The following FKBP5 variants were observed in gnomAD, a reference collection of about 807,000 sequenced individuals.
FKBP5 encodes the protein peptidyl-prolyl cis-trans isomerase FKBP5.
FKBP5 carries 23 observed loss-of-function variants against 50.5 expected under a neutral mutation model. That is an observed-to-expected ratio of 0.46 (90% CI 0.33 to 0.65). The LOEUF (loss-of-function observed/expected upper bound fraction) is 0.65, where lower values mean the gene tolerates loss of function less well. Ranked by LOEUF, FKBP5 falls within the 30% of genes least tolerant of loss-of-function variation. The pLI, the probability that FKBP5 is intolerant of heterozygous loss-of-function variation, is 0.02. For synonymous variants in FKBP5, 176 were observed against 190.6 expected, an observed-to-expected ratio of 0.92 and a Z score of 0.63; for missense variants, 411 against 553.1, an observed-to-expected ratio of 0.74 and a Z score of 2.58.
intron 8 of FKBP5, chr6:35,584,523 G>C (rs1308616381): frequency 1.0e-6 from 1 of 985,486 alleles, no homozygotes; most frequent in Middle Eastern, 5.2e-4. Flanking sequence ...GGCCCGGGAG[G>C]GCAGTATGGC....
At chr6:35,663,299 G>A (rs759431724) in intron 1 of FKBP5, among the ~76,000 whole-genome samples, 12 of 152,154 alleles carry the variant, frequency 7.9e-5, no homozygotes, top group African/African-American at 2.9e-4. Flanking sequence ...TAAAGTGAAG[G>A]GTACATGTGG....
chr6:35,618,559 A>G (rs1403135296), intron 5 of FKBP5, among the ~76,000 whole-genome samples: 3 of 152,032 alleles, frequency 2.0e-5, no homozygotes, highest in African/African-American at 7.2e-5. Context: ...GCTTTTTAGT[A>G]GAGATGGGGC....
Position 35,575,542 on chromosome 6 carries a change from C to A in FKBP5, c.*293G>T. On this transcript the variant is annotated 3_prime_UTR_variant, in exon 11 of 11. Transcript: ENST00000357266. ...ATCTCCAGGGACCCTGAATTGGATA[C>A]TTGAAGGTTGATAGAAACTGAAATG... is the stretch of plus-strand genomic sequence containing the variant. 1 of 339,366 alleles carries A rather than the reference C, an allele frequency of 2.9e-6. No homozygotes were observed. The highest frequency in any genetic ancestry group is 5.5e-6 in the Non-Finnish European group (1 of 180,624). The allele number at this position is 339,366 out of a possible 1,614,324, so 21.0% of individuals were successfully genotyped here.
At chr6:35,584,435 C>G (rs1465039747) in intron 8 of FKBP5, 1 of 985,320 alleles carries the variant, frequency 1.0e-6, no homozygotes, top group African/African-American at 1.7e-5. Flanking sequence ...TTTAGTTCAG[C>G]CCATCTCTGC....
intron 1 of FKBP5, among the ~76,000 whole-genome samples, chr6:35,649,300 T>TAAAAAAC (rs1764720588): frequency 1.3e-5 from 2 of 151,262 alleles, no homozygotes; most frequent in South Asian, 4.2e-4. Context: ...TTATTTTACA[T>TAAAAAAC]ATTCTTATCG....
intron 1 of FKBP5, among the ~76,000 whole-genome samples, chr6:35,721,556 A>G (rs1263351035): frequency 6.6e-6 from 1 of 152,034 alleles, no homozygotes; most frequent in Non-Finnish European, 1.5e-5. Flanking sequence ...CCCGGGTTCA[A>G]ATGATTCTCC....
chr6:35,582,177 G>A (rs763254656), intron 8 of FKBP5: 48 of 985,226 alleles, frequency 4.9e-5, no homozygotes, highest in Non-Finnish European at 5.5e-5. Flanking sequence ...GGGAAGACTG[G>A]CACTAAAATC....
rs35830022 is a variant in FKBP5, at chr6:35,683,120, A to ATGTGTGTGTG, written c.-20+5674_-20+5683dup. ...AGTGTGTGTGTATATATATACGTAT[A>ATGTGTGTGTG]TGTGTGTGTGTGTGTGTGTGTGTGT... is the stretch of plus-strand genomic sequence containing the variant. On this transcript the variant is annotated intron_variant, in intron 1 of 10. Transcript: ENST00000357266. Among the ~76,000 whole-genome samples, 264 of 80,652 alleles carry ATGTGTGTGTG rather than the reference A, an allele frequency of 3.3e-3. 3 individuals are homozygous for ATGTGTGTGTG. The highest frequency in any genetic ancestry group is 4.5e-3 in the Non-Finnish European group (178 of 39,948). The allele number at this position is 80,652 out of a possible 152,430, so 52.9% of individuals were successfully genotyped here. A position where few individuals can be genotyped will look rare whatever the true frequency, so the allele number is the denominator to read the frequency against.
chr6:35,586,014 C>T, intron 8 of FKBP5: 1 of 985,362 alleles, frequency 1.0e-6, no homozygotes, highest in Non-Finnish European at 1.2e-6. Flanking sequence ...TTAAAGTACA[C>T]TTATGCCTCA....
chr6:35,686,088 C>T (rs1177617146), intron 1 of FKBP5, among the ~76,000 whole-genome samples: 2 of 151,330 alleles, frequency 1.3e-5, no homozygotes, highest in African/African-American at 4.9e-5. Context: ...TCTGTAGCTT[C>T]ATTTATTTAA....
At position 35,577,396 on chromosome 6, in the gene FKBP5, T is replaced by G. The variant is rs569686501; in HGVS notation, c.1027-163A>C. Among the ~76,000 whole-genome samples the G allele has an allele frequency of 3.9e-5, 6 of 152,324 alleles. No individual in the cohort carries two copies. In the East Asian group the frequency reaches 7.7e-4, roughly 20 times the overall value. On this transcript the variant is annotated intron_variant, in intron 9 of 10. Coordinates refer to ENST00000357266, the MANE Select transcript of FKBP5 (RefSeq NM_004117.4). Reference sequence around the variant, plus strand: ...ATCAAAATTTACTACCCAAATTATTTTCTGCATTTAATGCAATTTCTAGAA... The same window carrying G: ...ATCAAAATTTACTACCCAAATTATTGTCTGCATTTAATGCAATTTCTAGAA...
chr6:35,698,472 T>C (rs1477278112), intron 2 of FKBP5, among the ~76,000 whole-genome samples: 1 of 149,860 alleles, frequency 6.7e-6, no homozygotes, highest in Non-Finnish European at 1.5e-5. Flanking sequence ...TATGGTGAAA[T>C]CCTGTCTCTA....
chr6:35,642,866 A>C, intron 1 of FKBP5, 23 bp from the exon 2 acceptor site: 1 of 1,536,412 alleles, frequency 6.5e-7, no homozygotes, highest in Non-Finnish European at 9.0e-7. Flanking sequence ...AAAATATTTT[A>C]GCTGGGAAAA....
intron 2 of FKBP5, among the ~76,000 whole-genome samples, chr6:35,639,258 T>C (rs1203458345): frequency 6.6e-6 from 1 of 152,188 alleles, no homozygotes; most frequent in African/African-American, 2.4e-5. Flanking sequence ...TATTCTAATT[T>C]TACAAACAGG....
At chr6:35,607,849 G>C in intron 5 of FKBP5, 1 of 213,158 alleles carries the variant, frequency 4.7e-6, no homozygotes, top group Admixed American at 4.6e-5. Flanking sequence ...AGTTCATCAA[G>C]ACAAGGGTGG....
At chr6:35,667,178 T>C (rs1192795805) in intron 1 of FKBP5, among the ~76,000 whole-genome samples, 2 of 152,136 alleles carry the variant, frequency 1.3e-5, no homozygotes, top group African/African-American at 2.4e-5. Context: ...TTATCCACAG[T>C]ACAAGAAATA....
In FKBP5 at chr6:35,642,704, A is replaced by G. The variant is rs375534185; in HGVS notation, c.105+16T>C. ...CAGCAGGTTTCCTTGTATGTCACTC[A>G]GCTTTGTGGCCTCACCTTTAATACT... On this transcript the variant is annotated intron_variant, in intron 2 of 10. Transcript: ENST00000357266. The G allele has an allele frequency of 6.6e-5, 105 of 1,597,360 alleles. No homozygotes were observed. In the Middle Eastern group the frequency reaches 4.8e-3, roughly 73 times the overall value.
chr6:35,613,392 T>G (rs543796540), intron 5 of FKBP5, among the ~76,000 whole-genome samples: 3 of 152,228 alleles, frequency 2.0e-5, no homozygotes, highest in Non-Finnish European at 4.4e-5. Context: ...TTGTTTGTAT[T>G]TTTAGTAGAG....
At chr6:35,586,151 A>G (rs1333807359) in intron 8 of FKBP5, 1 of 984,822 alleles carries the variant, frequency 1.0e-6, no homozygotes, top group Non-Finnish European at 1.2e-6. Context: ...GACATGGAGA[A>G]GGCATATATT....
Sources: allele counts gnomAD v4.1 joint callset (sites outside exome capture counted in the v4.1 genomes callset), GRCh38; gene constraint gnomAD v4.1.1; transcripts MANE v1.5; gene names NCBI Gene and HGNC (gene_info 2026-07-23, HGNC 2026-07-21).